SLFN5: variants seen among roughly 807,000 people sequenced by gnomAD.
The protein encoded by SLFN5 is schlafen family member 5.
SLFN5 carries 34 observed loss-of-function variants against 48.5 expected under a neutral mutation model. The ratio of observed to expected loss-of-function variants is 0.70; its 90% CI spans 0.53 to 0.93. SLFN5 has a LOEUF of 0.93. SLFN5 is among the 40% of genes least tolerant of loss of function. SLFN5 has a pLI of 0.00. For synonymous variants in SLFN5, 387 were observed against 396.2 expected, an observed-to-expected ratio of 0.98 and a Z score of 0.28; for missense variants, 1,006 against 1,071.3, an observed-to-expected ratio of 0.94 and a Z score of 0.85.
At chr17:35,256,482 T>C (rs1221280107) in intron 1 of SLFN5, among the ~76,000 whole-genome samples, 1 of 152,218 alleles carries the variant, frequency 6.6e-6, no homozygotes, top group Non-Finnish European at 1.5e-5. Context: ...CTTTGAAAAT[T>C]CTTGTTCATC....
rs16970806 is a variant in SLFN5, at chr17:35,265,472, G to C, written c.2260G>C (p.Val754Leu). The stretch of plus-strand genomic sequence containing the variant: ...CTATGAACCTAAATGGGCTCAAGGT[G>C]TCCCAGGCAACTTAGAGATTATTGA... ...MLYEPKWAQG[V>L]PGNLEIIEDL... The change falls in exon 5 of 5, where the codon GTC becomes CTC. Residue 754 changes from valine (V) to leucine (L), a missense_variant. Coordinates refer to ENST00000299977, the MANE Select transcript of SLFN5 (RefSeq NM_144975.4). 1.1e-3 allele frequency: 1,773 copies of C among 1,614,228 alleles called. 20 individuals carry two copies. In the African/African-American group the frequency reaches 0.021, roughly 20 times the overall value.
intron 1 of SLFN5, among the ~76,000 whole-genome samples, chr17:35,253,811 C>T (rs1480296880): frequency 1.6e-4 from 24 of 150,038 alleles, no homozygotes. Context: ...GATTCTTGTG[C>T]CTCAGCCTCC....
rs35160124 is a variant in SLFN5 at position 35,266,177 on chromosome 17, T to TGTGTGCGTGTGTGTGTGCGC, written c.*290_*291insTGTGCGTGTGTGTGTGCGCG. 1.8e-5 allele frequency: 3 copies of TGTGTGCGTGTGTGTGTGCGC among 171,112 alleles called. No homozygotes were observed. The highest frequency in any genetic ancestry group is 3.6e-5 in the Non-Finnish European group (3 of 83,750). The allele number at this position is 171,112 out of a possible 1,614,324, so 10.6% of individuals were successfully genotyped here. A position where few individuals can be genotyped will look rare whatever the true frequency, so the allele number is the denominator to read the frequency against. ...GTGTGTGTGTGTGTGTGTGTGTGTGTGCGCGCGCGCACGTGCACATGTGTG... is the reference window on the plus strand; with the variant it reads ...GTGTGTGTGTGTGTGTGTGTGTGTGTGTGTGCGTGTGTGTGTGCGCGCGCGCGCGCACGTGCACATGTGTG... On this transcript the variant is annotated 3_prime_UTR_variant, in exon 5 of 5. Transcript: ENST00000299977.
intron 1 of SLFN5, among the ~76,000 whole-genome samples, chr17:35,256,874 G>C (rs986687827): frequency 6.6e-6 from 1 of 152,186 alleles, no homozygotes; most frequent in African/African-American, 2.4e-5. Flanking sequence ...ACTGTGGCCT[G>C]TTAGGAACCA....
chr17:35,267,262 A>C lies in SLFN5; in HGVS notation c.*1374A>C, dbSNP rs934953026. On this transcript the variant is annotated 3_prime_UTR_variant, in exon 5 of 5. Transcript: ENST00000299977. ...GGATCTGAATAAATCCAGATCACAG[A>C]CTGTTCCTTTACCAATATGTAAAAG... 13 of 152,222 alleles carry C rather than the reference A, an allele frequency of 8.5e-5. No individual in the cohort carries two copies. Among genetic ancestry groups the C allele is most frequent in the Non-Finnish European group, 2.9e-5 (2 of 68,050 alleles). The allele number at this position is 152,222 out of a possible 1,614,324, so 9.4% of individuals were successfully genotyped here.
rs907485856 is a variant in SLFN5, at chr17:35,265,473, T to A, written c.2261T>A (p.Val754Asp). The change falls in exon 5 of 5, where the codon GTC (valine) becomes GAC (aspartate). Residue 754 changes from valine (V) to aspartate (D), a missense_variant. Transcript: ENST00000299977. ...MLYEPKWAQG[V>D]PGNLEIIEDL... ...TATGAACCTAAATGGGCTCAAGGTG[T>A]CCCAGGCAACTTAGAGATTATTGAA... 3 of 1,614,208 alleles carry A rather than the reference T, an allele frequency of 1.9e-6. No individual in the cohort carries two copies. Among genetic ancestry groups the A allele is most frequent in the Admixed American group, 3.3e-5 (2 of 60,024 alleles).
At chr17:35,249,236 A>G (rs2092437152) in intron 1 of SLFN5, among the ~76,000 whole-genome samples, 2 of 152,228 alleles carry the variant, frequency 1.3e-5, no homozygotes, top group African/African-American at 4.8e-5. Context: ...TGTAACACCA[A>G]GCAGAACATT....
intron 4 of SLFN5, 23 bp from the exon 5 acceptor site, chr17:35,265,049 A>G (rs766152412): frequency 1.3e-6 from 2 of 1,587,234 alleles, no homozygotes; most frequent in Non-Finnish European, 1.7e-6. Flanking sequence ...CATTGGGGAA[A>G]AACCTGACTC....
chr17:35,267,674 C>T lies in SLFN5; in HGVS notation c.*1786C>T, dbSNP rs1391486109. 6.6e-6 allele frequency: 1 copy of T among 152,180 alleles called. No individual in the cohort carries two copies. The highest frequency in any genetic ancestry group is 1.5e-5 in the Non-Finnish European group (1 of 68,054). The allele number at this position is 152,180 out of a possible 1,614,324, so 9.4% of individuals were successfully genotyped here. A position where few individuals can be genotyped will look rare whatever the true frequency, so the allele number is the denominator to read the frequency against. On this transcript the variant is annotated 3_prime_UTR_variant, in exon 5 of 5. Transcript: ENST00000299977. ...GTCTGAGGTTACAGTGAGCTATGAT[C>T]ATACCAGTGCACTCCAGTCTGGGTG...
intron 2 of SLFN5, among the ~76,000 whole-genome samples, chr17:35,260,069 C>T (rs1279024148): frequency 6.6e-6 from 1 of 152,080 alleles, no homozygotes; most frequent in Non-Finnish European, 1.5e-5. Context: ...CTTTTTTTCA[C>T]ATGTACAGAT....
At chr17:35,247,269 T>C (rs1055085680) in intron 1 of SLFN5, among the ~76,000 whole-genome samples, 2 of 152,212 alleles carry the variant, frequency 1.3e-5, no homozygotes, top group Non-Finnish European at 2.9e-5. Context: ...ACCTGAGCAT[T>C]CCCTTTTTGT....
chr17:35,269,120 G>GT lies in SLFN5; in HGVS notation c.*3233dup, dbSNP rs374234477. On this transcript the variant is annotated 3_prime_UTR_variant, in exon 5 of 5. Transcript: ENST00000299977. ...CTAAGAAGGCAGTGAAGCAACATGT[G>GT]TACAGTTCTTAGGGAAACAAATTTT... is the stretch of plus-strand genomic sequence containing the variant. 688 of 152,266 alleles carry GT rather than the reference G, an allele frequency of 4.5e-3. 5 individuals carry two copies. Among genetic ancestry groups the GT allele is most frequent in the African/African-American group, 0.016 (662 of 41,556 alleles). 9.4% of individuals were successfully genotyped at this position (152,266 alleles called of 1,614,324 possible). A position where few individuals can be genotyped will look rare whatever the true frequency, so the allele number is the denominator to read the frequency against.
rs1285989357 is a variant in SLFN5 at position 35,258,650 on chromosome 17, G to A, written c.-40-1G>A. 6.4e-7 allele frequency: 1 copy of A among 1,574,130 alleles called. No individual in the cohort carries two copies. Among genetic ancestry groups the A allele is most frequent in the African/African-American group, 1.4e-5 (1 of 73,820 alleles). On this transcript the variant is annotated splice_acceptor_variant, in intron 1 of 4. Transcript: ENST00000299977. LOFTEE classifies it low-confidence loss of function (5UTR_SPLICE). ...AATGGTTCTATCTTTCTGTTTTTCAGGAGAACATTTCAGGATAGGAATAGG... is the reference window on the plus strand; with the variant it reads ...AATGGTTCTATCTTTCTGTTTTTCAAGAGAACATTTCAGGATAGGAATAGG...
Position 35,261,057 on chromosome 17 carries a change from T to C in SLFN5, c.1099T>C (p.Ser367Pro). Residue 367 changes from serine to proline, a missense_variant, in exon 3 of 5, where the codon TCG becomes CCG. Ser to Pro is a moderately conservative substitution (Grantham distance 74). Coordinates refer to ENST00000299977, the MANE Select transcript of SLFN5 (RefSeq NM_144975.4). Reference protein sequence around the residue: ...RSKPVCIHKNSECLKEQQKRY... With the variant: ...RSKPVCIHKNPECLKEQQKRY... ...CAAGCCTGTGTGCATTCATAAGAAT[T>C]CGGAATGTCTGAAAGAGCAGCAGAA... 1 of 1,613,958 alleles carries C rather than the reference T, an allele frequency of 6.2e-7. No individual in the cohort carries two copies. The highest frequency in any genetic ancestry group is 8.5e-7 in the Non-Finnish European group (1 of 1,179,836).
Position 35,265,430 on chromosome 17 carries a change from G to A in SLFN5, c.2218G>A (p.Gly740Arg). 1.2e-6 allele frequency: 2 copies of A among 1,614,168 alleles called. No individual in the cohort carries two copies. The highest frequency in any genetic ancestry group is 1.1e-5 in the South Asian group (1 of 91,078). ...RQNPPPNLPP[G>R]SLVMLYEPKW... ...AAATCCTCCACCTAACCTCCCCCCTGGGTCCCTGGTGATGCTCTATGAACC... is the reference window on the plus strand; with the variant it reads ...AAATCCTCCACCTAACCTCCCCCCTAGGTCCCTGGTGATGCTCTATGAACC... Residue 740 changes from glycine (G) to arginine (R), a missense_variant, in exon 5 of 5, where the codon GGG (glycine) becomes AGG (arginine). Coordinates refer to ENST00000299977, the MANE Select transcript of SLFN5 (RefSeq NM_144975.4).
In SLFN5 at chr17:35,261,005, G is replaced by T; in HGVS notation, c.1047G>T (p.Leu349Phe). The change falls in exon 3 of 5, where the codon TTG becomes TTT. Residue 349 changes from leucine to phenylalanine, a missense_variant. Transcript: ENST00000299977. ...GGTGTCCTGAGATGGTTCTCCAGTT[G>T]AGTTTGTCATCTGCCACGCCCCGCA... is the stretch of plus-strand genomic sequence containing the variant. ...LSRCPEMVLQ[L>F]SLSSATPRSK... 6.2e-7 allele frequency: 1 copy of T among 1,613,950 alleles called. No individual in the cohort carries two copies. The highest frequency in any genetic ancestry group is 8.5e-7 in the Non-Finnish European group (1 of 1,179,912).
At chr17:35,260,836 C>A (rs553648263) in intron 2 of SLFN5, 135 bp from the exon 3 acceptor site, 6 of 1,104,272 alleles carry the variant, frequency 5.4e-6, no homozygotes, top group Admixed American at 2.6e-5. Context: ...CCTGAGCTGA[C>A]CTGAGATGTA....
At chr17:35,256,639 C>A (rs1244724519) in intron 1 of SLFN5, among the ~76,000 whole-genome samples, 1 of 152,144 alleles carries the variant, frequency 6.6e-6, no homozygotes, top group Non-Finnish European at 1.5e-5. Flanking sequence ...GGAGTTTGAA[C>A]TCAGGGTTTC....
At chr17:35,253,260 A>G (rs903224439) in intron 1 of SLFN5, among the ~76,000 whole-genome samples, 1 of 152,094 alleles carries the variant, frequency 6.6e-6, no homozygotes, top group African/African-American at 2.4e-5. Flanking sequence ...TCCTAATACC[A>G]GCACCTTTAG....
Sources: gnomAD v4.1 joint callset for allele counts (sites outside exome capture counted in the v4.1 genomes callset) on GRCh38, gnomAD v4.1.1 for gene constraint, MANE v1.5 for transcripts, NCBI Gene and HGNC (gene_info 2026-07-23, HGNC 2026-07-21) for gene names.